Variants in GALK1 observed in about 807,000 individuals in gnomAD.
GALK1 encodes the protein galactokinase 1.
GALK1 carries 30 observed loss-of-function variants against 38.6 expected under a neutral mutation model. The observed-to-expected ratio is 0.78, with a 90% CI of 0.58 to 1.05. The LOEUF is 1.05. GALK1 is among the 50% of genes least tolerant of loss of function. GALK1 has a pLI of 0.00. For synonymous variants in GALK1, 240 were observed against 233.6 expected, an observed-to-expected ratio of 1.03 and a Z score of -0.25; for missense variants, 512 against 540.5, an observed-to-expected ratio of 0.95 and a Z score of 0.52.
At position 75,763,375 on chromosome 17, in the gene GALK1, G is replaced by A; in HGVS notation, c.420C>T (p.Ser140=). The A allele has an allele frequency of 1.2e-6, 2 of 1,613,736 alleles. No individual in the cohort carries two copies. Among genetic ancestry groups the A allele is most frequent in the Non-Finnish European group, 1.7e-6 (2 of 1,179,916 alleles). The change falls in exon 3 of 8, where the codon TCC becomes TCT. Residue 140 remains serine (S), a synonymous_variant. Transcript: ENST00000588479. ...VSSVPLGGGL[S]SSASLEVATY... Reference sequence around the variant, plus strand: ...TGGCCACTTCCAAGGATGCTGAGCTGGACAGGCCACCCCCCAGGGGCACTG... The same window carrying A: ...TGGCCACTTCCAAGGATGCTGAGCTAGACAGGCCACCCCCCAGGGGCACTG...
intron 5 of GALK1, 142 bp downstream of exon 5, chr17:75,762,562 T>C (rs1398684376): frequency 2.4e-6 from 2 of 837,074 alleles, no homozygotes; most frequent in Non-Finnish European, 4.0e-6. Context: ...ATTGGAACCC[T>C]GGGTGCGCAG....
chr17:75,757,828 TTGCCCATTCTTCTGGGGCCTG>T (rs1400815979), downstream of GALK1: 3 of 664,386 alleles, frequency 4.5e-6, no homozygotes, highest in South Asian at 5.5e-5. Context: ...AGGCCCTGCC[TTGCCCATTCTTCTGGGGCCTG>T]AGAGGTGCTC....
chr17:75,752,479 C>G (rs2143417294), intron 8 of GALK1: 1 of 1,613,618 alleles, frequency 6.2e-7, no homozygotes, highest in Non-Finnish European at 8.5e-7. Flanking sequence ...ATCGTGGACG[C>G]CCAGAGCGGG....
downstream of GALK1, chr17:75,755,632 G>C: frequency 1.3e-6 from 2 of 1,592,704 alleles, no homozygotes; most frequent in Non-Finnish European, 1.7e-6. Flanking sequence ...AGGTCAGGGG[G>C]CAGCACTGTG....
downstream of GALK1, chr17:75,753,902 C>A (rs1388467015): frequency 1.5e-6 from 2 of 1,292,920 alleles, no homozygotes; most frequent in East Asian, 3.1e-5. Context: ...GCCCCACGGG[C>A]CCCCGGACGA....
downstream of GALK1, chr17:75,757,375 C>A (rs537736971): frequency 1.2e-6 from 2 of 1,612,984 alleles, no homozygotes; most frequent in East Asian, 2.2e-5. Context: ...GGGAGAAGGG[C>A]AGACCCCAAG....
Position 75,762,825 on chromosome 17 carries a change from G to C in GALK1, c.672C>G (p.Asn224Lys), listed in dbSNP as rs981970282. The C allele has an allele frequency of 8.7e-6, 14 of 1,613,794 alleles. No individual in the cohort carries two copies. Among genetic ancestry groups the C allele is most frequent in the East Asian group, 2.2e-5 (1 of 44,886 alleles). Residue 224 changes from asparagine (N) to lysine (K), a missense_variant, in exon 5 of 8, where the codon AAC becomes AAG. Coordinates refer to ENST00000588479, the MANE Select transcript of GALK1 (RefSeq NM_000154.2). ...SDPKLAVLIT[N>K]SNVRHSLASS... is the part of the protein sequence containing the mutation. ...AGGCCAGGGAGTGGCGGACATTAGA[G>C]TTGGTGATGAGCACGGCCAGCTTGG...
intron 1 of GALK1, chr17:75,764,527 A>C (rs1390113898): frequency 2.0e-6 from 1 of 491,872 alleles, no homozygotes; most frequent in East Asian, 5.8e-5. Flanking sequence ...TGTGACCTCC[A>C]GCAGTTCACT....
chr17:75,756,410 C>A, downstream of GALK1: 1 of 1,612,412 alleles, frequency 6.2e-7, no homozygotes, highest in South Asian at 1.1e-5. Context: ...TACTGTGTGC[C>A]CCCACCTGAT....
chr17:75,752,110 CAG>C, intron 8 of GALK1: 1 of 1,544,544 alleles, frequency 6.5e-7, no homozygotes, highest in Admixed American at 1.7e-5. Context: ...CCTGCTGTGT[CAG>C]GGGTGGTGTT....
At chr17:75,764,907 G>T in intron 1 of GALK1, 65 bp downstream of exon 1, 1 of 1,543,662 alleles carries the variant, frequency 6.5e-7, no homozygotes, top group Non-Finnish European at 8.8e-7. Flanking sequence ...CGTCCCCGAG[G>T]CCCGCCCTCC....
In GALK1 at chr17:75,764,960, G is replaced by A. The variant is rs1288505517; in HGVS notation, c.165+12C>T. ...CGGCGGCGGGCTAGGGGCTCCCCGT[G>A]CAGCCCCTCACCATAGGCAGCACCA... On this transcript the variant is annotated intron_variant, in intron 1 of 7. Transcript: ENST00000588479. 6.2e-7 allele frequency: 1 copy of A among 1,604,466 alleles called. No individual in the cohort carries two copies. Among genetic ancestry groups the A allele is most frequent in the Non-Finnish European group, 8.5e-7 (1 of 1,176,420 alleles).
downstream of GALK1, chr17:75,754,827 C>T: frequency 6.2e-7 from 1 of 1,613,908 alleles, no homozygotes; most frequent in Non-Finnish European, 8.5e-7. Flanking sequence ...TGAGTGACCT[C>T]AGCCAACCCT....
At chr17:75,756,888 C>T (rs1420104878), downstream of GALK1, 2 of 1,612,172 alleles carry the variant, frequency 1.2e-6, no homozygotes, top group Non-Finnish European at 1.7e-6. Flanking sequence ...GCAGGAGTGG[C>T]CAGGGGAGGG....
chr17:75,763,127 G>A lies in GALK1; in HGVS notation c.498C>T (p.Arg166=), dbSNP rs763880577. Residue 166 remains arginine, a synonymous_variant, in exon 4 of 8, where the codon CGC becomes CGT. Coordinates refer to ENST00000588479, the MANE Select transcript of GALK1 (RefSeq NM_000154.2). ...LCPDSGTIAA[R]AQVCQQAEHS... ...GCTCGGCCTGCTGACACACCTGGGC[G>A]CGGGCAGCTATTGTGCCCGAGTCTG... is the stretch of plus-strand genomic sequence containing the variant. 1.2e-5 allele frequency: 20 copies of A among 1,611,950 alleles called. No homozygotes were observed. The highest frequency in any genetic ancestry group is 2.2e-5 in the East Asian group (1 of 44,884).
intron 2 of GALK1, 193 bp from the exon 3 acceptor site, chr17:75,763,632 C>T (rs758624178): frequency 1.4e-6 from 1 of 720,974 alleles, no homozygotes. Flanking sequence ...TCTGAGGTTG[C>T]TGGGACACTT....
At chr17:75,755,479 G>A (rs1302978737), downstream of GALK1, among the ~76,000 whole-genome samples, 5 of 152,284 alleles carry the variant, frequency 3.3e-5, no homozygotes, top group East Asian at 5.8e-4. Flanking sequence ...GCAGACTCAC[G>A]GGGCTCACTC....
downstream of GALK1, chr17:75,753,797 G>T: frequency 6.8e-7 from 1 of 1,461,984 alleles, no homozygotes; most frequent in Non-Finnish European, 9.0e-7. Context: ...CCTGCTGGGG[G>T]AGGAGCTGGA....
Position 75,763,017 on chromosome 17 carries a change from C to T in GALK1, c.608G>A (p.Cys203Tyr), listed in dbSNP as rs752304350. The T allele has an allele frequency of 1.2e-6, 2 of 1,612,864 alleles. No individual in the cohort carries two copies. Among genetic ancestry groups the T allele is most frequent in the Non-Finnish European group, 1.7e-6 (2 of 1,180,012 alleles). The change falls in exon 4 of 8, where the codon TGC (cysteine) becomes TAC (tyrosine). Residue 203 changes from cysteine (C) to tyrosine (Y), a missense_variant. Coordinates refer to ENST00000588479, the MANE Select transcript of GALK1 (RefSeq NM_000154.2). ...GGACGAGGGGAGCGAGCCCAACCTG[C>T]AGTCAATGAGCAGCGCGTGGCCTTT... The part of the protein sequence containing the change: ...GQKGHALLID[C>Y]RSLETSLVPL...
Sources: gnomAD v4.1 joint callset for allele counts (sites outside exome capture counted in the v4.1 genomes callset) on GRCh38, gnomAD v4.1.1 for gene constraint, MANE v1.5 for transcripts, NCBI Gene and HGNC (gene_info 2026-07-23, HGNC 2026-07-21) for gene names.